PDE10A: variants seen among roughly 807,000 people sequenced by gnomAD.
PDE10A encodes the protein phosphodiesterase 10A.
A neutral mutation model predicts 97.7 loss-of-function variants in PDE10A; 39 were observed. The ratio of observed to expected loss-of-function variants is 0.40; its 90% confidence interval spans 0.31 to 0.52. The LOEUF (loss-of-function observed/expected upper bound fraction) is 0.52, where lower values mean the gene tolerates loss of function less well. Ranked by LOEUF, PDE10A falls within the 20% of genes least tolerant of loss-of-function variation. The pLI is 0.56. For missense variants in PDE10A, 731 were observed against 1,047.8 expected (o/e 0.70, Z 4.17); for synonymous variants, 371 against 376.8 (o/e 0.98, Z 0.18).
chr6:165,440,027 CAGTT>C (rs1453685659), intron 5 of PDE10A, among the ~76,000 whole-genome samples: 3 of 151,940 alleles, frequency 2.0e-5, no homozygotes, highest in African/African-American at 7.2e-5. Context: ...AACTTACAAC[CAGTT>C]AAATTTTGGA....
intron 1 of PDE10A, among the ~76,000 whole-genome samples, chr6:165,735,958 G>A (rs1792565184): frequency 6.6e-6 from 1 of 152,188 alleles, no homozygotes; most frequent in African/African-American, 2.4e-5. Flanking sequence ...GGCCTACAGA[G>A]AGTCTTCACC....
At chr6:165,608,122 T>A (rs1040235740) in intron 1 of PDE10A, among the ~76,000 whole-genome samples, 2 of 148,702 alleles carry the variant, frequency 1.3e-5, no homozygotes, top group South Asian at 2.1e-4. Flanking sequence ...ATATATATAT[T>A]TTATTATACT....
intron 1 of PDE10A, among the ~76,000 whole-genome samples, chr6:165,915,978 G>A (rs1186555243): frequency 6.6e-6 from 1 of 152,216 alleles, no homozygotes; most frequent in Admixed American, 6.5e-5. Flanking sequence ...TTGATATGGA[G>A]GTATCCCTCA....
intron 18 of PDE10A, among the ~76,000 whole-genome samples, chr6:165,368,353 C>G (rs1783965540): frequency 6.6e-6 from 1 of 152,046 alleles, no homozygotes; most frequent in South Asian, 2.1e-4. Context: ...TATTAGCAAC[C>G]TATGTGGGGT....
At chr6:165,493,849 G>T (rs1224489991) in intron 2 of PDE10A, among the ~76,000 whole-genome samples, 1 of 152,012 alleles carries the variant, frequency 6.6e-6, no homozygotes, top group Non-Finnish European at 1.5e-5. Context: ...ATAAGCTTCT[G>T]CATAGCAAAA....
chr6:165,939,817 G>A (rs1343987214), intron 1 of PDE10A: 1 of 152,232 alleles, frequency 6.6e-6, no homozygotes, highest in East Asian at 1.9e-4. Context: ...ACCTGAGGCT[G>A]CCTGACTCTA....
rs1789883856 is a variant in PDE10A at position 165,655,290 on chromosome 6, C to T, written c.865+6657G>A. On this transcript the variant is annotated intron_variant, in intron 1 of 21. Coordinates refer to ENST00000539869, the MANE Select transcript of PDE10A (RefSeq NM_001385079.1). This position sits in a 1 kb window ranked among gnomAD's most constrained non-coding sequence, Gnocchi z 4.5. ...GAACGATCCTTTGGATCAAATCCTCCCAGGCTTTGTTTATCCAACTGCCTT... is the reference window on the plus strand; with the variant it reads ...GAACGATCCTTTGGATCAAATCCTCTCAGGCTTTGTTTATCCAACTGCCTT... Among the ~76,000 whole-genome samples the T allele has an allele frequency of 6.6e-6, 1 of 152,154 alleles. No homozygotes were observed. The highest frequency in any genetic ancestry group is 6.5e-5 in the Admixed American group (1 of 15,282).
At chr6:165,396,247 ATC>A (rs1786149557) in intron 14 of PDE10A, 68 bp downstream of exon 14, 1 of 1,416,192 alleles carries the variant, frequency 7.1e-7, no homozygotes, top group Non-Finnish European at 9.9e-7. Flanking sequence ...TAATTCTATA[ATC>A]TGTCTCACTT....
chr6:165,845,878 T>C (rs992470277), intron 1 of PDE10A, among the ~76,000 whole-genome samples: 1 of 152,024 alleles, frequency 6.6e-6, no homozygotes, highest in Non-Finnish European at 1.5e-5. Context: ...GTATGAGACC[T>C]CCAAACTTTC....
intron 1 of PDE10A, among the ~76,000 whole-genome samples, chr6:165,757,803 G>A (rs1793152392): frequency 6.6e-6 from 1 of 152,122 alleles, no homozygotes; most frequent in Non-Finnish European, 1.5e-5. Context: ...GACCTTTGGA[G>A]TCACCCTGTC....
At chr6:165,964,736 T>C (rs1020330111) in intron 1 of PDE10A, among the ~76,000 whole-genome samples, 6 of 152,176 alleles carry the variant, frequency 3.9e-5, no homozygotes, top group African/African-American at 1.4e-4. Flanking sequence ...GATGTGTACA[T>C]GAAATCACAG....
intron 1 of PDE10A, among the ~76,000 whole-genome samples, chr6:165,641,351 C>T (rs1377559703): frequency 6.6e-6 from 1 of 152,080 alleles, no homozygotes. Flanking sequence ...ATACATTTCT[C>T]TACTATAAAA....
intron 1 of PDE10A, among the ~76,000 whole-genome samples, chr6:165,742,876 G>A (rs1333486681): frequency 4.6e-5 from 7 of 152,170 alleles, no homozygotes; most frequent in East Asian, 3.9e-4. Flanking sequence ...GCCCGCTTGC[G>A]TTGTCCATGG....
At chr6:165,560,928 G>A (rs1784490660) in intron 1 of PDE10A, among the ~76,000 whole-genome samples, 1 of 152,104 alleles carries the variant, frequency 6.6e-6, no homozygotes, top group Non-Finnish European at 1.5e-5. Flanking sequence ...GTTTAAAAGT[G>A]TGTAGCATGG....
At chr6:165,345,154 A>G (rs1386935712) in intron 18 of PDE10A, among the ~76,000 whole-genome samples, 1 of 152,220 alleles carries the variant, frequency 6.6e-6, no homozygotes, top group African/African-American at 2.4e-5. Flanking sequence ...AACGTATATC[A>G]TGGTGAAATA....
At chr6:165,591,083 G>A (rs1786235381) in intron 1 of PDE10A, among the ~76,000 whole-genome samples, 1 of 152,118 alleles carries the variant, frequency 6.6e-6, no homozygotes, top group Admixed American at 6.5e-5. Flanking sequence ...GAACAGCAAA[G>A]CAAGAGAAGA....
intron 1 of PDE10A, among the ~76,000 whole-genome samples, chr6:165,621,771 AAAG>A (rs1554297071): frequency 1.3e-4 from 18 of 134,688 alleles, no homozygotes; most frequent in Admixed American, 2.9e-4. Context: ...AAGAAAAAAA[AAAG>A]AAGAAGAAGA....
At chr6:165,346,406 T>C (rs766328222) in intron 18 of PDE10A, among the ~76,000 whole-genome samples, 22 of 152,310 alleles carry the variant, frequency 1.4e-4, no homozygotes, top group Non-Finnish European at 2.6e-4. Context: ...CTCTCCCGTC[T>C]TCGTTTCCTT....
At chr6:165,823,658 T>C (rs892699719) in intron 1 of PDE10A, among the ~76,000 whole-genome samples, 6 of 134,814 alleles carry the variant, frequency 4.5e-5, no homozygotes, top group African/African-American at 1.6e-4. Context: ...AACAGAATCG[T>C]TTATTGTCAT....
Sources: gnomAD v4.1 joint callset for allele counts (sites outside exome capture counted in the v4.1 genomes callset) on GRCh38, gnomAD v4.1.1 for gene constraint, Gnocchi (gnomAD v3.1) non-coding constraint, MANE v1.5 for transcripts, NCBI Gene and HGNC (gene_info 2026-07-23, HGNC 2026-07-21) for gene names.